Variants in COP1 observed in about 807,000 individuals in gnomAD.
The protein encoded by COP1 is E3 ubiquitin-protein ligase COP1.
Under a neutral mutation model 101.3 loss-of-function variants are expected in COP1, and 24 were observed. That is an observed-to-expected ratio of 0.24 (90% CI 0.17 to 0.33). The LOEUF (loss-of-function observed/expected upper bound fraction) is 0.33, where lower values mean the gene tolerates loss of function less well. COP1 is among the 10% of genes least tolerant of loss of function. COP1 has a pLI of 1.00. For missense variants in COP1, 663 were observed against 906.2 expected (o/e 0.73, Z 3.45); for synonymous variants, 347 against 341.9 (o/e 1.01, Z -0.17).
intron 15 of COP1, among the ~76,000 whole-genome samples, chr1:175,996,517 A>T (rs1317429385): frequency 3.9e-5 from 6 of 151,974 alleles, no homozygotes; most frequent in African/African-American, 1.5e-4. Flanking sequence ...TCAGCCCAAA[A>T]TCTCCTTAAG....
chr1:176,138,630 T>G (rs971598738), intron 6 of COP1, among the ~76,000 whole-genome samples: 8 of 152,162 alleles, frequency 5.3e-5, no homozygotes, highest in African/African-American at 1.7e-4. Flanking sequence ...GACTTATTAA[T>G]AGATAGGAAC....
At chr1:175,991,847 G>A (rs1190183526) in intron 15 of COP1, among the ~76,000 whole-genome samples, 2 of 152,076 alleles carry the variant, frequency 1.3e-5, no homozygotes, top group Admixed American at 6.5e-5. Context: ...AGTCTTCAAG[G>A]GTAATGATAT....
intron 18 of COP1, among the ~76,000 whole-genome samples, chr1:175,961,963 T>G (rs749103192): frequency 8.5e-5 from 13 of 152,048 alleles, no homozygotes; most frequent in Non-Finnish European, 1.9e-4. Context: ...AAGCAGCTTA[T>G]GTATTAGTTA....
intron 11 of COP1, among the ~76,000 whole-genome samples, chr1:176,062,725 A>G (rs1371854962): frequency 2.0e-5 from 3 of 152,080 alleles, no homozygotes; most frequent in Non-Finnish European, 2.9e-5. Context: ...TAACAAACTA[A>G]AACCCAGACA....
At chr1:175,989,222 TA>T (rs956635154) in intron 16 of COP1, 139 bp downstream of exon 16, 2,645 of 457,186 alleles carry the variant, frequency 5.8e-3, no homozygotes, top group South Asian at 0.011. Flanking sequence ...TGGACAAGAT[TA>T]AAAAAAAAAT....
intron 5 of COP1, among the ~76,000 whole-genome samples, chr1:176,154,630 T>C (rs1693174270): frequency 6.6e-6 from 1 of 152,076 alleles, no homozygotes; most frequent in Non-Finnish European, 1.5e-5. Context: ...CTGGGGCCTA[T>C]CGGAGGGTAG....
chr1:176,000,733 T>C (rs1661402027), intron 15 of COP1, among the ~76,000 whole-genome samples: 1 of 152,078 alleles, frequency 6.6e-6, no homozygotes, highest in Non-Finnish European at 1.5e-5. Flanking sequence ...ATGTTGCTTT[T>C]TTTTTTGTTA....
intron 9 of COP1, 130 bp downstream of exon 9, chr1:176,116,494 T>A: frequency 1.5e-6 from 1 of 658,272 alleles, no homozygotes. Context: ...GCTATTCAAG[T>A]GCTAATCAAC....
intron 15 of COP1, among the ~76,000 whole-genome samples, chr1:176,001,465 T>G (rs1661579198): frequency 1.3e-5 from 2 of 152,156 alleles, no homozygotes. Flanking sequence ...ATGGACAGAA[T>G]GATGTCTTTT....
intron 19 of COP1, among the ~76,000 whole-genome samples, chr1:175,945,784 T>C (rs1170803761): frequency 6.6e-6 from 1 of 152,176 alleles, no homozygotes; most frequent in Non-Finnish European, 1.5e-5. Flanking sequence ...TCAAAAAGAA[T>C]TACATTAGAT....
At chr1:175,964,234 C>T (rs1026715232) in intron 18 of COP1, among the ~76,000 whole-genome samples, 2 of 152,112 alleles carry the variant, frequency 1.3e-5, no homozygotes, top group African/African-American at 4.8e-5. Context: ...CAGAACATTA[C>T]CCCAAGACAG....
chr1:175,996,871 C>T (rs1194558084), intron 15 of COP1, among the ~76,000 whole-genome samples: 2 of 152,082 alleles, frequency 1.3e-5, no homozygotes, highest in African/African-American at 4.8e-5. Flanking sequence ...CTACCAATGA[C>T]TTTCTTCACA....
At chr1:176,203,748 C>CA (rs1350804614) in intron 1 of COP1, among the ~76,000 whole-genome samples, 1 of 152,118 alleles carries the variant, frequency 6.6e-6, no homozygotes, top group Non-Finnish European at 1.5e-5. Context: ...TATAAAAATG[C>CA]AACCTAAACC....
chr1:176,069,635 GT>G (rs1234322169), intron 11 of COP1, among the ~76,000 whole-genome samples: 1 of 152,158 alleles, frequency 6.6e-6, no homozygotes, highest in Admixed American at 6.5e-5. Flanking sequence ...TCCCCAGAGG[GT>G]TCTCCCTCAC....
intron 8 of COP1, among the ~76,000 whole-genome samples, chr1:176,125,354 G>C (rs555791190): frequency 6.6e-6 from 1 of 152,148 alleles, no homozygotes; most frequent in East Asian, 1.9e-4. Context: ...ATGTTTTCTT[G>C]TAGTAGTTTC....
Position 176,081,291 on chromosome 1 carries a change from T to C in COP1, c.1142-4A>G. On this transcript the variant is annotated splice_region_variant and splice_polypyrimidine_tract_variant and intron_variant, in intron 10 of 19. Transcript: ENST00000367669. ...TGGCTTGCAGTTCGACTGTCATCTA[T>C]ATGAAAAAAAAAAAAAAAAGACAAA... 2.0e-6 allele frequency: 3 copies of C among 1,525,714 alleles called. No individual in the cohort carries two copies. Among genetic ancestry groups the C allele is most frequent in the South Asian group, 1.3e-5 (1 of 78,884 alleles). The allele number at this position is 1,525,714 out of a possible 1,614,324, so 94.5% of individuals were successfully genotyped here.
chr1:176,188,856 C>CAG (rs1553314512), intron 1 of COP1, among the ~76,000 whole-genome samples: 3 of 151,698 alleles, frequency 2.0e-5, no homozygotes, highest in South Asian at 2.1e-4. Context: ...CACACACACA[C>CAG]ACAGACAGAG....
chr1:176,133,175 C>A (rs1689194477), intron 8 of COP1, among the ~76,000 whole-genome samples: 1 of 130,246 alleles, frequency 7.7e-6, no homozygotes, highest in Admixed American at 7.9e-5. Context: ...TATGTACACA[C>A]ATACGTATAT....
intron 1 of COP1, among the ~76,000 whole-genome samples, chr1:176,189,624 G>C (rs1382841872): frequency 6.6e-6 from 1 of 151,682 alleles, no homozygotes; most frequent in Non-Finnish European, 1.5e-5. Flanking sequence ...TATGAAGACA[G>C]ACAGAAACTA....
Sources: allele counts gnomAD v4.1 joint callset (sites outside exome capture counted in the v4.1 genomes callset), GRCh38; gene constraint gnomAD v4.1.1; transcripts MANE v1.5; gene names NCBI Gene and HGNC (gene_info 2026-07-23, HGNC 2026-07-21).